Variants in DCDC1 observed in about 807,000 individuals in gnomAD.
The protein encoded by DCDC1 is doublecortin domain containing 1.
DCDC1 carries 200 observed loss-of-function variants against 178.3 expected under a neutral mutation model. That is an observed-to-expected ratio of 1.12 (90% confidence interval 1.00 to 1.26). DCDC1 has a LOEUF of 1.26. Ranked by LOEUF, DCDC1 falls within the 50% of genes most tolerant of loss-of-function variation. The probability of loss-of-function intolerance (pLI) is 0.00; values close to 1 mark genes in which losing one functional copy is unlikely to be tolerated. For missense variants in DCDC1, 1,983 were observed against 1,749.2 expected (o/e 1.13, Z -2.38); for synonymous variants, 690 against 604.8 (o/e 1.14, Z -2.07).
chr11:31,298,611 T>G (rs907513243), intron 6 of DCDC1, among the ~76,000 whole-genome samples: 1 of 152,230 alleles, frequency 6.6e-6, no homozygotes, highest in Admixed American at 6.5e-5. Flanking sequence ...AATCCATGTC[T>G]TATTTTATTT....
chr11:31,278,008 C>G (rs1462498610), intron 7 of DCDC1, among the ~76,000 whole-genome samples: 2 of 152,058 alleles, frequency 1.3e-5, no homozygotes, highest in African/African-American at 4.8e-5. Flanking sequence ...CACGTTTTCT[C>G]TGAGAATTAG....
At chr11:31,002,322 T>C (rs1404533284) in intron 20 of DCDC1, among the ~76,000 whole-genome samples, 3 of 152,256 alleles carry the variant, frequency 2.0e-5, no homozygotes. Context: ...TATTTTAATA[T>C]ATTCTTTTTT....
At chr11:31,158,489 G>GA in intron 9 of DCDC1, among the ~76,000 whole-genome samples, 1 of 152,132 alleles carries the variant, frequency 6.6e-6, no homozygotes, top group East Asian at 1.9e-4. Context: ...CCTCTTAACT[G>GA]AAATATTGTA....
intron 20 of DCDC1, among the ~76,000 whole-genome samples, chr11:30,959,282 T>C (rs1333969881): frequency 2.0e-5 from 3 of 152,032 alleles, no homozygotes; most frequent in East Asian, 1.9e-4. Flanking sequence ...TCCTATAAGA[T>C]AGGGATATTG....
chr11:31,087,828 A>G (rs1957573418), intron 17 of DCDC1, among the ~76,000 whole-genome samples: 2 of 152,158 alleles, frequency 1.3e-5, no homozygotes, highest in South Asian at 4.1e-4. Flanking sequence ...ATAAATATCA[A>G]TTAGGTAAAG....
intron 21 of DCDC1, among the ~76,000 whole-genome samples, chr11:30,933,392 G>A (rs552956900): frequency 6.6e-6 from 1 of 151,982 alleles, no homozygotes; most frequent in South Asian, 2.1e-4. Flanking sequence ...ATCATATAAA[G>A]CTCTTTTTCC....
intron 9 of DCDC1, among the ~76,000 whole-genome samples, chr11:31,140,270 G>C (rs1284946428): frequency 6.6e-6 from 1 of 152,164 alleles, no homozygotes; most frequent in Non-Finnish European, 1.5e-5. Context: ...CATGTGTTAA[G>C]AAGGGTAGAG....
At chr11:31,146,947 G>A (rs768404890) in intron 9 of DCDC1, among the ~76,000 whole-genome samples, 2 of 152,108 alleles carry the variant, frequency 1.3e-5, no homozygotes, top group Admixed American at 6.5e-5. Context: ...ATATGCCATC[G>A]TGTCGAGGTG....
At chr11:31,310,086 T>A (rs1278833377) in intron 3 of DCDC1, among the ~76,000 whole-genome samples, 1 of 152,134 alleles carries the variant, frequency 6.6e-6, no homozygotes. Context: ...GGACAAGAGA[T>A]TATAGATTTA....
At chr11:31,324,910 G>C (rs1419464957) in intron 3 of DCDC1, among the ~76,000 whole-genome samples, 4 of 151,954 alleles carry the variant, frequency 2.6e-5, no homozygotes, top group Non-Finnish European at 5.9e-5. Flanking sequence ...ACAAAAAAAT[G>C]GTTAGTATTT....
rs545553066 is a variant in DCDC1 at position 31,296,515 on chromosome 11, A to G, written c.755-5663T>C. Among the ~76,000 whole-genome samples, 3 of 152,178 alleles carry G rather than the reference A, an allele frequency of 2.0e-5. No individual in the cohort carries two copies. The South Asian group carries it at 6.2e-4, about 32-fold the overall frequency. ...CTTCTGAGCCCTCCAAACTGTCCCA[A>G]TCTCTGCCCATTACCTAGTTCCAAA... On this transcript the variant is annotated intron_variant, in intron 6 of 38. Transcript: ENST00000684477.
chr11:31,294,369 G>A (rs1396063184), intron 6 of DCDC1, among the ~76,000 whole-genome samples: 2 of 151,572 alleles, frequency 1.3e-5, no homozygotes, highest in Admixed American at 1.3e-4. Flanking sequence ...ATCACCCAGG[G>A]TCAGGAGTTC....
intron 6 of DCDC1, among the ~76,000 whole-genome samples, chr11:31,302,842 C>G (rs1948204917): frequency 1.3e-5 from 2 of 152,264 alleles, no homozygotes; most frequent in South Asian, 4.1e-4. Flanking sequence ...CGTTCTTAGG[C>G]AATTTTCTCC....
At chr11:31,200,455 A>ATTCCCT (rs1203716079) in intron 9 of DCDC1, among the ~76,000 whole-genome samples, 2 of 152,104 alleles carry the variant, frequency 1.3e-5, no homozygotes, top group Non-Finnish European at 2.9e-5. Flanking sequence ...ACCAGGAAGA[A>ATTCCCT]ATGCCAGAGT....
intron 21 of DCDC1, chr11:30,943,355 G>A (rs960270528): frequency 1.1e-5 from 2 of 183,806 alleles, no homozygotes; most frequent in East Asian, 3.0e-4. Flanking sequence ...GCCTTCCCAC[G>A]TCTCCTTTTC....
chr11:31,359,446 A>C (rs1197854877), intron 1 of DCDC1, among the ~76,000 whole-genome samples: 2 of 99,862 alleles, frequency 2.0e-5, no homozygotes, highest in South Asian at 4.3e-4. Context: ...GGGTGGGGGG[A>C]GGGGGAAGGG....
chr11:30,995,292 A>G (rs1466453149), intron 20 of DCDC1, among the ~76,000 whole-genome samples: 1 of 152,182 alleles, frequency 6.6e-6, no homozygotes, highest in Non-Finnish European at 1.5e-5. Context: ...ATATTCATGA[A>G]CTGGAAAACT....
intron 32 of DCDC1, among the ~76,000 whole-genome samples, chr11:30,902,647 G>A (rs1284212774): frequency 1.3e-5 from 2 of 152,180 alleles, no homozygotes; most frequent in East Asian, 3.9e-4. Flanking sequence ...TTATAAATAA[G>A]AAAATTGGAA....
rs1958657323 is a variant in DCDC1, at chr11:31,103,707, T to TCA, written c.1812_1813dup (p.Asp605ValfsTer59). On this transcript the variant is annotated frameshift_variant, in exon 14 of 39. Transcript: ENST00000684477. LOFTEE classifies it high-confidence loss of function. Reference sequence around the variant, plus strand: ...AAAGGTCTTATATGCAACCATGATATCACCTCTGGCAAATGCACTCACTCG... The same window carrying TCA: ...AAAGGTCTTATATGCAACCATGATATCACACCTCTGGCAAATGCACTCACTCG... The TCA allele has an allele frequency of 2.6e-6, 2 of 765,848 alleles. No homozygotes were observed. Among genetic ancestry groups the TCA allele is most frequent in the Non-Finnish European group, 2.4e-6 (1 of 417,684 alleles). 47.4% of individuals were successfully genotyped at this position (765,848 alleles called of 1,614,324 possible).
Sources: gnomAD v4.1 joint callset for allele counts (sites outside exome capture counted in the v4.1 genomes callset) on GRCh38, gnomAD v4.1.1 for gene constraint, MANE v1.5 for transcripts, NCBI Gene and HGNC (gene_info 2026-07-23, HGNC 2026-07-21) for gene names.